The following AGAP1 variants were observed in gnomAD, a reference collection of about 807,000 sequenced individuals.
AGAP1 encodes arf-GAP with GTPase, ANK repeat and PH domain-containing protein 1.
A neutral mutation model predicts 105.3 loss-of-function variants in AGAP1; 29 were observed. That is an observed-to-expected ratio of 0.28 (90% CI 0.21 to 0.38). The LOEUF (loss-of-function observed/expected upper bound fraction) is 0.38, where lower values mean the gene tolerates loss of function less well. Ranked by LOEUF, AGAP1 falls within the 10% of genes least tolerant of loss-of-function variation. The pLI is 1.00. For missense variants in AGAP1, 998 were observed against 1,165.1 expected (o/e 0.86, Z 2.09); for synonymous variants, 509 against 485.9 (o/e 1.05, Z -0.63).
At position 235,983,899 on chromosome 2, in the gene AGAP1, G is replaced by A. The variant is rs1282253088; in HGVS notation, c.1645+15276G>A. Among the ~76,000 whole-genome samples, 3 of 152,180 alleles carry A rather than the reference G, an allele frequency of 2.0e-5. No homozygotes were observed. Among genetic ancestry groups the A allele is most frequent in the Non-Finnish European group, 2.9e-5 (2 of 68,046 alleles). ...CACTTAACGATGGGGATACATGGCT[G>A]TATGTAACATAAAATTTGCCATTTT... On this transcript the variant is annotated intron_variant, in intron 13 of 17. Transcript: ENST00000304032. This position sits in a 1 kb window ranked among gnomAD's most constrained non-coding sequence, Gnocchi z 4.5.
intron 16 of AGAP1, among the ~76,000 whole-genome samples, chr2:236,085,398 T>A (rs1483322485): frequency 6.6e-6 from 1 of 152,108 alleles, no homozygotes; most frequent in Admixed American, 6.5e-5. Flanking sequence ...AGGATCTGTT[T>A]GGGAGGGGAG....
Position 236,120,217 on chromosome 2 carries a change from G to T in AGAP1, c.2140G>T (p.Ala714Ser). 2 of 1,612,876 alleles carry T rather than the reference G, an allele frequency of 1.2e-6. No individual in the cohort carries two copies. The highest frequency in any genetic ancestry group is 8.5e-7 in the Non-Finnish European group (1 of 1,179,266). ...GGAAGAGAAGGAACGGTGGATCCGT[G>T]CCAAGTACGAGCAGAAGCTCTTCCT... ...TREEKERWIR[A>S]KYEQKLFLAP... The change falls in exon 17 of 18, where the codon GCC becomes TCC. Residue 714 changes from alanine (A) to serine (S), a missense_variant. Physicochemically the swap from Ala to Ser is moderately conservative, Grantham distance 99. Coordinates refer to ENST00000304032, the MANE Select transcript of AGAP1 (RefSeq NM_001037131.3). The surrounding 1 kb of genome is among the most constrained non-coding windows in gnomAD (Gnocchi z 6.0).
chr2:235,519,972 A>T (rs1942554680), intron 1 of AGAP1, among the ~76,000 whole-genome samples: 1 of 152,076 alleles, frequency 6.6e-6, no homozygotes, highest in Non-Finnish European at 1.5e-5. Context: ...TTTAATAGGG[A>T]TGGGGTTTCA....
intron 12 of AGAP1, among the ~76,000 whole-genome samples, chr2:235,945,183 C>T (rs1459019676): frequency 6.6e-6 from 1 of 152,198 alleles, no homozygotes; most frequent in East Asian, 1.9e-4. Context: ...TCAATGCAAG[C>T]TCCGTCTCCC....
At chr2:235,869,396 A>C (rs1237252396) in intron 9 of AGAP1, among the ~76,000 whole-genome samples, 1 of 137,744 alleles carries the variant, frequency 7.3e-6, no homozygotes, top group African/African-American at 2.7e-5. Flanking sequence ...CATCCTGACC[A>C]ACATGGTGAA....
intron 12 of AGAP1, among the ~76,000 whole-genome samples, chr2:235,945,397 C>T (rs185940089): frequency 5.3e-5 from 8 of 152,272 alleles, no homozygotes; most frequent in Admixed American, 1.3e-4. Flanking sequence ...GCATGGTTAA[C>T]GCGTGCGCTA....
At chr2:235,503,659 A>T (rs1443735062) in intron 1 of AGAP1, among the ~76,000 whole-genome samples, 1 of 152,166 alleles carries the variant, frequency 6.6e-6, no homozygotes, top group Non-Finnish European at 1.5e-5. Context: ...CAGTGGCACT[A>T]TTGGGGCTCA....
At chr2:235,629,481 A>G (rs1946754205) in intron 1 of AGAP1, among the ~76,000 whole-genome samples, 1 of 152,044 alleles carries the variant, frequency 6.6e-6, no homozygotes, top group Non-Finnish European at 1.5e-5. Flanking sequence ...GGAGAACAGG[A>G]CAGAGACATG....
chr2:235,769,865 G>A lies in AGAP1; in HGVS notation c.673+19377G>A, dbSNP rs1181962032. Reference sequence around the variant, plus strand: ...GAGGACATGGCCCTCGGCTGCCAAGGAGCATCCAGTCCTTTCCAAGGACTT... The same window carrying A: ...GAGGACATGGCCCTCGGCTGCCAAGAAGCATCCAGTCCTTTCCAAGGACTT... On this transcript the variant is annotated intron_variant, in intron 6 of 17. Coordinates refer to ENST00000304032, the MANE Select transcript of AGAP1 (RefSeq NM_001037131.3). The surrounding 1 kb of genome is among the most constrained non-coding windows in gnomAD (Gnocchi z 4.4). Among the ~76,000 whole-genome samples, 1 of 152,182 alleles carries A rather than the reference G, an allele frequency of 6.6e-6. No homozygotes were observed. Among genetic ancestry groups the A allele is most frequent in the Non-Finnish European group, 1.5e-5 (1 of 68,034 alleles).
chr2:235,821,959 T>G (rs1368451825), intron 9 of AGAP1, among the ~76,000 whole-genome samples: 2 of 152,254 alleles, frequency 1.3e-5, no homozygotes, highest in Non-Finnish European at 2.9e-5. Context: ...TCTACATTTC[T>G]GGCAGGAAAA....
In AGAP1 at chr2:235,623,922, G is replaced by T. The variant is rs1261182356; in HGVS notation, c.164-85257G>T. On this transcript the variant is annotated intron_variant, in intron 1 of 17. Transcript: ENST00000304032. The surrounding 1 kb of genome is among the most constrained non-coding windows in gnomAD (Gnocchi z 4.5). ...TGATTCCAATTTGAGCTGTCTCCTG[G>T]AGAAGTTGGATCCATTTGTGTTTCT... 6.6e-6 allele frequency among the ~76,000 whole-genome samples: 1 copy of T among 152,090 alleles called. No homozygotes were observed. Among genetic ancestry groups the T allele is most frequent in the Non-Finnish European group, 1.5e-5 (1 of 68,016 alleles).
At chr2:235,544,977 C>T (rs1317185433) in intron 1 of AGAP1, among the ~76,000 whole-genome samples, 2 of 152,256 alleles carry the variant, frequency 1.3e-5, no homozygotes, top group East Asian at 3.9e-4. Context: ...CGGGGTAAGG[C>T]GTCACTTGAC....
At chr2:236,106,989 G>T (rs2125923815) in intron 16 of AGAP1, among the ~76,000 whole-genome samples, 1 of 152,252 alleles carries the variant, frequency 6.6e-6, no homozygotes, top group South Asian at 2.1e-4. Context: ...CTGTGCGGAG[G>T]CTCAATGAGA....
intron 9 of AGAP1, among the ~76,000 whole-genome samples, chr2:235,852,280 C>T (rs1327373786): frequency 3.3e-5 from 5 of 152,154 alleles, no homozygotes; most frequent in East Asian, 3.9e-4. Context: ...AGCGAGGCAG[C>T]GGAGAAGGGC....
At chr2:235,546,535 G>A (rs1474480568) in intron 1 of AGAP1, among the ~76,000 whole-genome samples, 2 of 152,190 alleles carry the variant, frequency 1.3e-5, no homozygotes, top group Non-Finnish European at 2.9e-5. Flanking sequence ...TGGGAAGCCA[G>A]GCTGTGGCCC....
In AGAP1 at chr2:236,120,509, G is replaced by T; in HGVS notation, c.2370+62G>T. On this transcript the variant is annotated intron_variant, in intron 17 of 17. Transcript: ENST00000304032. This position sits in a 1 kb window ranked among gnomAD's most constrained non-coding sequence, Gnocchi z 6.0. ...CAGGAGGCACTCTCTGCTTTGTTCT[G>T]CTTCCGTGGGCATCTTTCTGGCAGA... 2 of 1,591,654 alleles carry T rather than the reference G, an allele frequency of 1.3e-6. No homozygotes were observed. Among genetic ancestry groups the T allele is most frequent in the Non-Finnish European group, 1.7e-6 (2 of 1,170,654 alleles).
chr2:235,851,782 T>C (rs1479820555), intron 9 of AGAP1, among the ~76,000 whole-genome samples: 1 of 152,112 alleles, frequency 6.6e-6, no homozygotes, highest in African/African-American at 2.4e-5. Context: ...TCTGGGGGCT[T>C]TGGTAGCCTC....
chr2:235,862,021 A>G (rs1229367877), intron 9 of AGAP1, among the ~76,000 whole-genome samples: 1 of 152,116 alleles, frequency 6.6e-6, no homozygotes, highest in African/African-American at 2.4e-5. Context: ...TCAGAGATCA[A>G]AACCAGGAGT....
At chr2:235,853,724 C>T (rs1051297677) in intron 9 of AGAP1, among the ~76,000 whole-genome samples, 1 of 152,088 alleles carries the variant, frequency 6.6e-6, no homozygotes, top group African/African-American at 2.4e-5. Flanking sequence ...ATAAGTGCAT[C>T]TACAAGTGCT....
Sources: allele counts gnomAD v4.1 joint callset (sites outside exome capture counted in the v4.1 genomes callset), GRCh38; gene constraint gnomAD v4.1.1; non-coding constraint Gnocchi (gnomAD v3.1); transcripts MANE v1.5; gene names NCBI Gene and HGNC (gene_info 2026-07-23, HGNC 2026-07-21).